The following LAT2 variants were observed in gnomAD, a reference collection of about 807,000 sequenced individuals.
LAT2 encodes linker for activation of T cells family member 2, also known as linker for activation of T-cells family member 2.
LAT2 carries 23 observed loss-of-function variants against 43.4 expected under a neutral mutation model. That is an observed-to-expected ratio of 0.53 (90% CI 0.38 to 0.75). LAT2 has a LOEUF of 0.75. Among genes scored for constraint, LAT2 ranks in the 30% least tolerant of loss-of-function variants. The pLI is 0.00. For missense variants in LAT2, 284 were observed against 310.2 expected (o/e 0.92, Z 0.64); for synonymous variants, 128 against 123.2 (o/e 1.04, Z -0.26).
chr7:74,219,927 C>A (rs1301020443), intron 5 of LAT2, 33 bp from the exon 6 acceptor site: 5 of 1,612,540 alleles, frequency 3.1e-6, no homozygotes, highest in Non-Finnish European at 4.2e-6. Context: ...TAGCTGGGGG[C>A]CCAGCCAACA....
At chr7:74,215,245 T>C (rs1801994416) in intron 2 of LAT2, 1 of 152,718 alleles carries the variant, frequency 6.5e-6, no homozygotes, top group South Asian at 2.1e-4. Flanking sequence ...GGCCACCTCC[T>C]CCAAGAAGCC....
At chr7:74,218,962 C>T (rs920400208) in intron 4 of LAT2, among the ~76,000 whole-genome samples, 1 of 148,400 alleles carries the variant, frequency 6.7e-6, no homozygotes, top group East Asian at 2.0e-4. Flanking sequence ...CCTCCCAAAG[C>T]CCTGGGATTA....
At chr7:74,228,760 G>T (rs1802587992) in intron 13 of LAT2, among the ~76,000 whole-genome samples, 184 bp from the exon 14 acceptor site, 1 of 151,776 alleles carries the variant, frequency 6.6e-6, no homozygotes, top group African/African-American at 2.4e-5. Flanking sequence ...CCGCACTCCA[G>T]CCTGGGTGAC....
intron 1 of LAT2, among the ~76,000 whole-genome samples, chr7:74,214,141 AATATATATAAAT>A (rs1259176506): frequency 5.7e-5 from 3 of 52,184 alleles, no homozygotes; most frequent in African/African-American, 2.0e-4. Flanking sequence ...TATATATGAA[AATATATATAAAT>A]ATATATATGA....
At chr7:74,222,896 C>A (rs1335178638) in intron 10 of LAT2, among the ~76,000 whole-genome samples, 1 of 152,170 alleles carries the variant, frequency 6.6e-6, no homozygotes, top group Non-Finnish European at 1.5e-5. Context: ...TTTCTTAGGA[C>A]CCCCAACATC....
chr7:74,221,772 G>T (rs900856258), intron 10 of LAT2, 80 bp downstream of exon 10: 1 of 1,286,034 alleles, frequency 7.8e-7, no homozygotes, highest in Non-Finnish European at 1.1e-6. Context: ...GGCAGGAGAG[G>T]AGGCTGGGCC....
chr7:74,214,153 T>TATATATGAAAATATATATGAAA (rs1801862623), intron 1 of LAT2, among the ~76,000 whole-genome samples: 1 of 63,336 alleles, frequency 1.6e-5, no homozygotes, highest in Non-Finnish European at 2.8e-5. Flanking sequence ...TATATATAAA[T>TATATATGAAAATATATATGAAA]ATATATATGA....
Position 74,220,374 on chromosome 7 carries a change from G to A in LAT2, c.265+120G>A. The A allele has an allele frequency of 1.5e-6, 2 of 1,312,232 alleles. No individual in the cohort carries two copies. Among genetic ancestry groups the A allele is most frequent in the Non-Finnish European group, 2.2e-6 (2 of 928,800 alleles). 81.3% of individuals were successfully genotyped at this position (1,312,232 alleles called of 1,614,324 possible). A position where few individuals can be genotyped will look rare whatever the true frequency, so the allele number is the denominator to read the frequency against. The stretch of plus-strand genomic sequence containing the variant: ...TGCGGGGCCAGGCGAGGCCTCCCCA[G>A]GAGAGACACACAGGCTGGGGCAGGG... On this transcript the variant is annotated intron_variant, in intron 7 of 13. Coordinates refer to ENST00000460943, the MANE Select transcript of LAT2 (RefSeq NM_032464.3). The surrounding 1 kb of genome is among the most constrained non-coding windows in gnomAD (Gnocchi z 4.5).
At chr7:74,224,337 C>T in intron 12 of LAT2, 140 bp downstream of exon 12, 1 of 990,984 alleles carries the variant, frequency 1.0e-6, no homozygotes, top group Non-Finnish European at 1.5e-6. Context: ...GGAGCAGCTG[C>T]AGAGACCTTG....
intron 3 of LAT2, 38 bp from the exon 4 acceptor site, chr7:74,216,787 C>T (rs782554936): frequency 5.6e-6 from 9 of 1,606,678 alleles, no homozygotes; most frequent in Middle Eastern, 1.7e-4. Flanking sequence ...GTCGCAGCTG[C>T]TCCCAGACCC....
At chr7:74,227,081 G>C (rs1176792233) in intron 13 of LAT2, among the ~76,000 whole-genome samples, 1 of 146,274 alleles carries the variant, frequency 6.8e-6, no homozygotes, top group African/African-American at 2.5e-5. Context: ...CGTTCCTGTC[G>C]CCCAGGCTGA....
chr7:74,210,402 C>T (rs1801689434), intron 1 of LAT2, among the ~76,000 whole-genome samples: 1 of 152,302 alleles, frequency 6.6e-6, no homozygotes, highest in African/African-American at 2.4e-5. Context: ...GGCCTGGGAG[C>T]CTCGGTTTCC....
At position 74,223,794 on chromosome 7, in the gene LAT2, C is replaced by T. The variant is rs782275166; in HGVS notation, c.448+11C>T. 5.3e-5 allele frequency: 86 copies of T among 1,613,220 alleles called. No homozygotes were observed. Among genetic ancestry groups the T allele is most frequent in the Non-Finnish European group, 6.6e-5 (78 of 1,179,548 alleles). On this transcript the variant is annotated intron_variant, in intron 11 of 13. Transcript: ENST00000460943. ...AAACCACAGAGACAGGTGAGGCTGC[C>T]CAGCCAGAGGCAGGCTGGGGCTGGG... is the stretch of plus-strand genomic sequence containing the variant.
At chr7:74,223,030 G>T (rs1554715535) in intron 10 of LAT2, among the ~76,000 whole-genome samples, 1 of 152,220 alleles carries the variant, frequency 6.6e-6, no homozygotes. Flanking sequence ...TCCTCAGCCT[G>T]CCCTGCCCTA....
intron 13 of LAT2, chr7:74,225,285 T>C (rs1802446692): frequency 6.5e-6 from 1 of 153,768 alleles, no homozygotes. Context: ...TCCCAGTTAG[T>C]TGGGAGGCTG....
chr7:74,228,670 T>C (rs1395635416), intron 13 of LAT2, among the ~76,000 whole-genome samples: 1 of 148,140 alleles, frequency 6.8e-6, no homozygotes, highest in Non-Finnish European at 1.5e-5. Context: ...GGTGGCGTAG[T>C]CCCAGCTACT....
At chr7:74,212,513 A>G (rs537905946) in intron 1 of LAT2, among the ~76,000 whole-genome samples, 1 of 152,196 alleles carries the variant, frequency 6.6e-6, no homozygotes, top group South Asian at 2.1e-4. Context: ...AACTCAAGTG[A>G]TCCTCCTGTC....
At chr7:74,227,072 G>A (rs1386348645) in intron 13 of LAT2, among the ~76,000 whole-genome samples, 1 of 131,432 alleles carries the variant, frequency 7.6e-6, no homozygotes, top group Non-Finnish European at 1.6e-5. Context: ...TTTTTTTTTC[G>A]TTCCTGTCGC....
At chr7:74,219,621 A>T in intron 4 of LAT2, 123 bp from the exon 5 acceptor site, 2 of 1,167,854 alleles carry the variant, frequency 1.7e-6, no homozygotes, top group Non-Finnish European at 2.6e-6. Flanking sequence ...GTTCCTCCCC[A>T]CTGTCGCCCC....
Sources: gnomAD v4.1 joint callset for allele counts (sites outside exome capture counted in the v4.1 genomes callset) on GRCh38, gnomAD v4.1.1 for gene constraint, Gnocchi (gnomAD v3.1) non-coding constraint, MANE v1.5 for transcripts, NCBI Gene and HGNC (gene_info 2026-07-23, HGNC 2026-07-21) for gene names.